Variants in MGRN1 observed in about 807,000 individuals in gnomAD.
The protein encoded by MGRN1 is E3 ubiquitin-protein ligase MGRN1.
A neutral mutation model predicts 69.2 loss-of-function variants in MGRN1; 29 were observed. The ratio of observed to expected loss-of-function variants is 0.42; its 90% CI spans 0.31 to 0.57. The LOEUF (loss-of-function observed/expected upper bound fraction) is 0.57. Among genes scored for constraint, MGRN1 ranks in the 20% least tolerant of loss-of-function variants. The pLI is 0.15. For missense variants in MGRN1, 998 were observed against 796.2 expected, an observed-to-expected ratio of 1.25 and a Z score of -3.05; for synonymous variants, 470 against 344.2, an observed-to-expected ratio of 1.37 and a Z score of -4.04.
chr16:4,647,333 C>G (rs1259043315), intron 1 of MGRN1, among the ~76,000 whole-genome samples: 1 of 152,238 alleles, frequency 6.6e-6, no homozygotes, highest in East Asian at 1.9e-4. Flanking sequence ...CTTGTGGCCC[C>G]TGGCCCCGCC....
At chr16:4,638,591 C>T (rs1223995516) in intron 1 of MGRN1, among the ~76,000 whole-genome samples, 8 of 152,156 alleles carry the variant, frequency 5.3e-5, no homozygotes, top group Non-Finnish European at 8.8e-5. Flanking sequence ...CTGGGTGGGA[C>T]CCCCAGAGCA....
chr16:4,648,666 A>G (rs60071378), intron 1 of MGRN1, among the ~76,000 whole-genome samples: 1,284 of 40,726 alleles, frequency 0.032, 39 homozygotes, highest in South Asian at 0.052. Context: ...CCTCCCGGGG[A>G]CTCTTCCCGT....
rs1394671488 is a variant in MGRN1 at position 4,671,449 on chromosome 16, A to G, written c.785A>G (p.Gln262Arg). ...TATGGCATTGAGAACAAGAACAACC[A>G]GGAGACCAAGGTGTGTATCTGGGTG... is the stretch of plus-strand genomic sequence containing the variant. The part of the protein sequence containing the change: ...EIYGIENKNN[Q>R]ETKPSDDENS... The change falls in exon 9 of 17, where the codon CAG becomes CGG. Residue 262 changes from glutamine (Q) to arginine (R), a missense_variant. Gln to Arg is a conservative substitution (Grantham distance 43). Transcript: ENST00000262370. 2 of 1,614,062 alleles carry G rather than the reference A, an allele frequency of 1.2e-6. No individual in the cohort carries two copies. The highest frequency in any genetic ancestry group is 1.1e-5 in the South Asian group (1 of 91,076).
At chr16:4,629,512 G>A (rs1897882092) in intron 1 of MGRN1, among the ~76,000 whole-genome samples, 1 of 152,100 alleles carries the variant, frequency 6.6e-6, no homozygotes. Flanking sequence ...AGGCCAAGGT[G>A]GGCGGATCAT....
At chr16:4,637,588 G>A (rs951606685) in intron 1 of MGRN1, among the ~76,000 whole-genome samples, 4 of 152,232 alleles carry the variant, frequency 2.6e-5, no homozygotes, top group African/African-American at 7.2e-5. Flanking sequence ...GTGTATTGAA[G>A]GCTCCGAGGG....
In MGRN1 at chr16:4,625,062, C is replaced by A. The variant is rs1897595300; in HGVS notation, c.88+14C>A. 15 of 1,532,236 alleles carry A rather than the reference C, an allele frequency of 9.8e-6. No homozygotes were observed. Among genetic ancestry groups the A allele is most frequent in the African/African-American group, 2.9e-5 (2 of 69,754 alleles). The allele number at this position is 1,532,236 out of a possible 1,614,324, so 94.9% of individuals were successfully genotyped here. A position where few individuals can be genotyped will look rare whatever the true frequency, so the allele number is the denominator to read the frequency against. The stretch of plus-strand genomic sequence containing the variant: ...CTCCGAAGTCCGGTGAGCGCCCGGC[C>A]CCAGGCGCGGACTGCTAGGCACGCG... On this transcript the variant is annotated intron_variant, in intron 1 of 16. Coordinates refer to ENST00000262370, the MANE Select transcript of MGRN1 (RefSeq NM_015246.4).
intron 12 of MGRN1, chr16:4,680,396 C>T (rs981210484): frequency 5.2e-6 from 2 of 384,734 alleles, no homozygotes; most frequent in Admixed American, 4.5e-5. Context: ...ATGGACGTTG[C>T]AGGCGGAACT....
intron 8 of MGRN1, among the ~76,000 whole-genome samples, chr16:4,668,960 ACT>A (rs1302714665): frequency 3.9e-5 from 6 of 152,074 alleles, no homozygotes; most frequent in Admixed American, 1.3e-4. Context: ...ACATAGACAC[ACT>A]CATACAATCA....
chr16:4,650,532 CT>C, intron 2 of MGRN1, 49 bp downstream of exon 2: 1 of 1,428,076 alleles, frequency 7.0e-7, no homozygotes, highest in Non-Finnish European at 9.6e-7. Context: ...TGGGAGGCCC[CT>C]GTCCCCAGCA....
Position 4,688,847 on chromosome 16 carries a change from C to T in MGRN1, c.1670C>T (p.Thr557Ile), listed in dbSNP as rs200375426. The change falls in exon 17 of 17, where the codon ACC (threonine) becomes ATC (isoleucine). Residue 557 changes from threonine (T) to isoleucine (I), a missense_variant. By Grantham distance (89) the Thr-to-Ile change is moderately conservative. Transcript: ENST00000262370. The part of the protein sequence containing the change: ...TAHGLATTSP[T>I]WPPLGGPSPD... ...CACGGCCTCGCCACCACCAGCCCCA[C>T]CTGGCCTCCACTTGGTGGCCCCAGC... 2.6e-4 allele frequency: 405 copies of T among 1,555,444 alleles called. 1 individual carries two copies. In the Middle Eastern group the frequency reaches 3.8e-3, roughly 14 times the overall value.
intron 1 of MGRN1, among the ~76,000 whole-genome samples, chr16:4,646,401 C>A (rs1240813702): frequency 7.3e-5 from 11 of 151,276 alleles, no homozygotes; most frequent in African/African-American, 2.2e-4. Flanking sequence ...CCAACCTCGG[C>A]GACAGAGCAA....
At chr16:4,636,371 G>A (rs561464987) in intron 1 of MGRN1, among the ~76,000 whole-genome samples, 1 of 152,200 alleles carries the variant, frequency 6.6e-6, no homozygotes, top group African/African-American at 2.4e-5. Flanking sequence ...TGCAATGGCC[G>A]GGCGGGGTTT....
At chr16:4,628,496 C>G (rs137859948) in intron 1 of MGRN1, among the ~76,000 whole-genome samples, 5 of 152,200 alleles carry the variant, frequency 3.3e-5, no homozygotes, top group East Asian at 3.9e-4. Flanking sequence ...TTCCTTCCAT[C>G]TGTTTGCAGA....
At chr16:4,643,196 G>C (rs2078200814) in intron 1 of MGRN1, among the ~76,000 whole-genome samples, 1 of 151,930 alleles carries the variant, frequency 6.6e-6, no homozygotes, top group Admixed American at 6.6e-5. Flanking sequence ...TCCTGACCTT[G>C]TGATCCACTC....
chr16:4,688,134 G>A (rs1322037237), intron 16 of MGRN1: 7 of 985,434 alleles, frequency 7.1e-6, no homozygotes, highest in Non-Finnish European at 8.4e-6. Flanking sequence ...CGTGTCTGCT[G>A]GGAGCCATGT....
intron 7 of MGRN1, 60 bp from the exon 8 acceptor site, chr16:4,668,205 C>T: frequency 1.3e-6 from 2 of 1,552,150 alleles, no homozygotes; most frequent in Non-Finnish European, 1.8e-6. Context: ...GGCGGCCACG[C>T]AGGGGTGCTC....
At chr16:4,650,580 AT>A in intron 2 of MGRN1, 97 bp downstream of exon 2, 1 of 963,550 alleles carries the variant, frequency 1.0e-6, no homozygotes, top group Non-Finnish European at 1.6e-6. Flanking sequence ...CAGGCACCAA[AT>A]CACCCCTAAA....
chr16:4,673,846 G>T (rs1357921592), intron 10 of MGRN1, among the ~76,000 whole-genome samples, 189 bp downstream of exon 10: 1 of 152,206 alleles, frequency 6.6e-6, no homozygotes, highest in African/African-American at 2.4e-5. Flanking sequence ...AGCTGGCAGG[G>T]ACGCTAGCAC....
intron 8 of MGRN1, 139 bp from the exon 9 acceptor site, chr16:4,671,252 C>T (rs111933284): frequency 1.5e-5 from 11 of 747,208 alleles, no homozygotes; most frequent in African/African-American, 7.0e-5. Flanking sequence ...TGCCCTTCTC[C>T]TGGCCCCCAG....
Sources: gnomAD v4.1 joint callset for allele counts (sites outside exome capture counted in the v4.1 genomes callset) on GRCh38, gnomAD v4.1.1 for gene constraint, MANE v1.5 for transcripts, NCBI Gene and HGNC (gene_info 2026-07-23, HGNC 2026-07-21) for gene names.